Variants in TMEM132C observed in about 807,000 individuals in gnomAD.
The protein encoded by TMEM132C is transmembrane protein 132C, also known as protein phosphatase 1, regulatory subunit 152.
Under a neutral mutation model 61.4 loss-of-function variants are expected in TMEM132C, and 29 were observed. The ratio of observed to expected loss-of-function variants is 0.47; its 90% CI spans 0.35 to 0.64. The LOEUF is 0.64. Among genes scored for constraint, TMEM132C ranks in the 30% least tolerant of loss-of-function variants. The pLI is 0.00. For missense variants in TMEM132C, 1,408 were observed against 1,476.9 expected (o/e 0.95, Z 0.76); for synonymous variants, 656 against 633.1 (o/e 1.04, Z -0.54).
intron 1 of TMEM132C, among the ~76,000 whole-genome samples, chr12:128,307,744 T>A (rs540484523): frequency 6.6e-6 from 1 of 152,366 alleles, no homozygotes. Flanking sequence ...TATGTCAGGA[T>A]TCTTAAGAAC....
At chr12:128,462,940 T>C (rs1230644104) in intron 2 of TMEM132C, among the ~76,000 whole-genome samples, 1 of 152,176 alleles carries the variant, frequency 6.6e-6, no homozygotes, top group Non-Finnish European at 1.5e-5. Flanking sequence ...TGGAGGTATG[T>C]AGCCCCAGCT....
intron 1 of TMEM132C, among the ~76,000 whole-genome samples, chr12:128,373,880 G>A (rs927275570): frequency 3.9e-5 from 6 of 152,182 alleles, no homozygotes; most frequent in Admixed American, 2.6e-4. Flanking sequence ...ATGGCCTTGC[G>A]TGCTGCACTT....
chr12:128,600,817 G>C (rs1156466613), intron 3 of TMEM132C, among the ~76,000 whole-genome samples: 2 of 152,202 alleles, frequency 1.3e-5, no homozygotes, highest in African/African-American at 4.8e-5. Flanking sequence ...AATGCTTGAT[G>C]GATGGACAAA....
chr12:128,269,290 G>T (rs74913297), intron 1 of TMEM132C, among the ~76,000 whole-genome samples: 9,074 of 151,506 alleles, frequency 0.06, 749 homozygotes, highest in African/African-American at 0.17. Flanking sequence ...TTAACCAGGC[G>T]AACTGGATGT....
rs1324615599 is a variant in TMEM132C at position 128,320,566 on chromosome 12, G to A, written c.85+53079G>A. On this transcript the variant is annotated intron_variant, in intron 1 of 8. Transcript: ENST00000435159. ...GGATCGCTTAAGCCCAGGAGTTTGA[G>A]AACAGCCTGGGAAATATGGTAAGAC... 3.9e-5 allele frequency among the ~76,000 whole-genome samples: 6 copies of A among 152,174 alleles called. No individual in the cohort carries two copies. The East Asian group carries it at 9.7e-4, about 25-fold the overall frequency.
intron 3 of TMEM132C, among the ~76,000 whole-genome samples, chr12:128,558,481 C>T (rs1874404529): frequency 6.6e-6 from 1 of 152,230 alleles, no homozygotes; most frequent in African/African-American, 2.4e-5. Flanking sequence ...GACTTTGCTC[C>T]TCCTTTGCCT....
chr12:128,366,167 G>A (rs753221707), intron 1 of TMEM132C, among the ~76,000 whole-genome samples: 2 of 152,348 alleles, frequency 1.3e-5, no homozygotes, highest in Non-Finnish European at 2.9e-5. Flanking sequence ...GGGAGAAGGT[G>A]CTGTGCGTCG....
chr12:128,666,826 T>TA (rs1456614070), intron 4 of TMEM132C, among the ~76,000 whole-genome samples: 1 of 152,238 alleles, frequency 6.6e-6, no homozygotes, highest in Non-Finnish European at 1.5e-5. Flanking sequence ...CAGTGAAAAA[T>TA]ATATATGTCC....
At chr12:128,680,659 C>T (rs761894202) in intron 5 of TMEM132C, among the ~76,000 whole-genome samples, 1 of 152,176 alleles carries the variant, frequency 6.6e-6, no homozygotes, top group Non-Finnish European at 1.5e-5. Flanking sequence ...GAATCAAAAC[C>T]TTTGACTGGT....
At chr12:128,374,906 C>T (rs1874140921) in intron 1 of TMEM132C, among the ~76,000 whole-genome samples, 1 of 87,804 alleles carries the variant, frequency 1.1e-5, no homozygotes, top group African/African-American at 4.0e-5. Flanking sequence ...GGGCGACAAA[C>T]TCCGTCTGTC....
At chr12:128,576,976 G>T (rs1875130463) in intron 3 of TMEM132C, among the ~76,000 whole-genome samples, 1 of 152,078 alleles carries the variant, frequency 6.6e-6, no homozygotes, top group South Asian at 2.1e-4. Context: ...CCATCCAATG[G>T]TTTTTAGTGT....
chr12:128,372,828 A>G (rs1273039672), intron 1 of TMEM132C, among the ~76,000 whole-genome samples: 2 of 152,162 alleles, frequency 1.3e-5, no homozygotes, highest in Non-Finnish European at 1.5e-5. Context: ...TGAGAGGGAA[A>G]CATGCTTACG....
At position 128,663,167 on chromosome 12, in the gene TMEM132C, A is replaced by T. The variant is rs75645212; in HGVS notation, c.1306-6250A>T. Among the ~76,000 whole-genome samples, 1,322 of 152,302 alleles carry T rather than the reference A, an allele frequency of 8.7e-3. 27 individuals carry two copies. Among genetic ancestry groups the T allele is most frequent in the African/African-American group, 0.03 (1,255 of 41,564 alleles). ...AGTGGTTCTTAGTATTTGCAAGGTTATGAACCATCATCCCTATCTAATTTC... is the reference window on the plus strand; with the variant it reads ...AGTGGTTCTTAGTATTTGCAAGGTTTTGAACCATCATCCCTATCTAATTTC... On this transcript the variant is annotated intron_variant, in intron 4 of 8. Coordinates refer to ENST00000435159, the MANE Select transcript of TMEM132C (RefSeq NM_001136103.3).
intron 1 of TMEM132C, among the ~76,000 whole-genome samples, chr12:128,327,684 C>T (rs908807498): frequency 1.3e-5 from 2 of 152,112 alleles, no homozygotes; most frequent in African/African-American, 4.8e-5. Flanking sequence ...CGCCCGGCTG[C>T]AGCTTGGTTT....
At chr12:128,269,883 C>A (rs1339606406) in intron 1 of TMEM132C, among the ~76,000 whole-genome samples, 1 of 151,408 alleles carries the variant, frequency 6.6e-6, no homozygotes, top group Non-Finnish European at 1.5e-5. Context: ...TTTCTGGAAT[C>A]CTTGAAACCA....
At chr12:128,290,297 C>T (rs1871209136) in intron 1 of TMEM132C, among the ~76,000 whole-genome samples, 1 of 152,022 alleles carries the variant, frequency 6.6e-6, no homozygotes, top group South Asian at 2.1e-4. Context: ...AACTTACAGT[C>T]ATGGGAAATG....
intron 2 of TMEM132C, among the ~76,000 whole-genome samples, chr12:128,474,354 T>C (rs1342632704): frequency 6.6e-6 from 1 of 152,200 alleles, no homozygotes; most frequent in Non-Finnish European, 1.5e-5. Context: ...TCTATGTTCC[T>C]GGATAGGCAG....
At chr12:128,655,426 A>G (rs2135615268) in intron 4 of TMEM132C, among the ~76,000 whole-genome samples, 1 of 152,224 alleles carries the variant, frequency 6.6e-6, no homozygotes, top group African/African-American at 2.4e-5. Context: ...TAACAGAGTC[A>G]GCTTGTTAAT....
intron 1 of TMEM132C, among the ~76,000 whole-genome samples, chr12:128,376,806 A>G (rs1565917261): frequency 6.6e-6 from 1 of 152,204 alleles, no homozygotes; most frequent in Non-Finnish European, 1.5e-5. Flanking sequence ...CGAAGTGGGC[A>G]TGGGATGTAA....
Sources: allele counts gnomAD v4.1 joint callset (sites outside exome capture counted in the v4.1 genomes callset), GRCh38; gene constraint gnomAD v4.1.1; transcripts MANE v1.5; gene names NCBI Gene and HGNC (gene_info 2026-07-23, HGNC 2026-07-21).